The following BBS9 variants were observed in gnomAD, a reference collection of about 807,000 sequenced individuals.
The protein encoded by BBS9 is protein PTHB1.
In BBS9, 89 loss-of-function variants were observed where a neutral mutation model predicts 117.7. The observed-to-expected ratio is 0.76, with a 90% confidence interval of 0.64 to 0.90. The LOEUF is 0.90. BBS9 is among the 40% of genes least tolerant of loss of function. BBS9 has a pLI of 0.00. For synonymous variants in BBS9, 379 were observed against 370.9 expected (o/e 1.02, Z -0.25); for missense variants, 982 against 1,042.2 (o/e 0.94, Z 0.80).
intron 19 of BBS9, among the ~76,000 whole-genome samples, chr7:33,487,589 G>A (rs1362554920): frequency 6.6e-6 from 1 of 152,184 alleles, no homozygotes; most frequent in African/African-American, 2.4e-5. Flanking sequence ...TTGAGTCAAA[G>A]GCCTGTGTTC....
chr7:33,455,385 T>G (rs868603943), intron 19 of BBS9, among the ~76,000 whole-genome samples: 19 of 152,216 alleles, frequency 1.2e-4, no homozygotes, highest in African/African-American at 4.6e-4. Flanking sequence ...CATAATTTTT[T>G]AGGGAAAATT....
At chr7:33,403,577 G>A (rs963631778) in intron 19 of BBS9, among the ~76,000 whole-genome samples, 6 of 147,814 alleles carry the variant, frequency 4.1e-5, no homozygotes, top group Non-Finnish European at 8.9e-5. Context: ...TTGGTTTTTT[G>A]TCCTTGCGAT....
intron 5 of BBS9, among the ~76,000 whole-genome samples, chr7:33,188,730 G>A (rs1000935932): frequency 6.6e-6 from 1 of 152,206 alleles, no homozygotes. Context: ...AGTCATTGGT[G>A]ATTTTAGGGA....
At chr7:33,493,088 A>G (rs1844240240) in intron 19 of BBS9, among the ~76,000 whole-genome samples, 1 of 152,014 alleles carries the variant, frequency 6.6e-6, no homozygotes, top group South Asian at 2.1e-4. Flanking sequence ...TCCACCTCCC[A>G]GGTTCAAGTG....
chr7:33,635,049 C>A (rs567843369), intron 21 of BBS9, among the ~76,000 whole-genome samples: 74 of 152,294 alleles, frequency 4.9e-4, no homozygotes, highest in African/African-American at 1.8e-3. Context: ...CCTTCCTTTT[C>A]CCCCGGTTCA....
intron 19 of BBS9, among the ~76,000 whole-genome samples, chr7:33,435,137 G>C (rs1835109214): frequency 6.6e-6 from 1 of 152,092 alleles, no homozygotes; most frequent in Non-Finnish European, 1.5e-5. Flanking sequence ...TGTTGAGAAG[G>C]TCAGTTGATT....
chr7:33,353,006 C>T, intron 15 of BBS9, 133 bp downstream of exon 15: 1 of 900,872 alleles, frequency 1.1e-6, no homozygotes, highest in East Asian at 2.6e-5. Flanking sequence ...TAGGATGATA[C>T]AGTGCCTTGA....
At chr7:33,626,359 T>C (rs1303329768) in intron 21 of BBS9, among the ~76,000 whole-genome samples, 16 of 152,184 alleles carry the variant, frequency 1.1e-4, no homozygotes. Context: ...CTTATAGCAA[T>C]GCAAGAACAG....
At chr7:33,434,033 A>G (rs1209669348) in intron 19 of BBS9, among the ~76,000 whole-genome samples, 1 of 152,000 alleles carries the variant, frequency 6.6e-6, no homozygotes, top group Non-Finnish European at 1.5e-5. Context: ...TTTGGTGAAC[A>G]TATAATTGTT....
At chr7:33,554,875 C>T (rs549635070) in intron 21 of BBS9, among the ~76,000 whole-genome samples, 8 of 152,098 alleles carry the variant, frequency 5.3e-5, no homozygotes, top group East Asian at 3.9e-4. Context: ...GAGCCAACAT[C>T]GGAAATTGAA....
intron 20 of BBS9, among the ~76,000 whole-genome samples, chr7:33,521,779 G>C (rs1211432544): frequency 6.7e-6 from 1 of 150,314 alleles, no homozygotes; most frequent in African/African-American, 2.5e-5. Context: ...AAGTTTTAGG[G>C]TACATGTGCA....
At chr7:33,336,058 C>T (rs111294312) in intron 9 of BBS9, among the ~76,000 whole-genome samples, 2,198 of 152,294 alleles carry the variant, frequency 0.014, 22 homozygotes, top group Non-Finnish European at 0.021. Context: ...CCCGCTCCAT[C>T]TCTTGGTCCA....
At chr7:33,184,318 GA>G (rs1798508810) in intron 5 of BBS9, among the ~76,000 whole-genome samples, 1 of 152,154 alleles carries the variant, frequency 6.6e-6, no homozygotes, top group Non-Finnish European at 1.5e-5. Flanking sequence ...GGGGAGAAAA[GA>G]AGCTCCCCAT....
At chr7:33,454,094 C>T (rs1219768857) in intron 19 of BBS9, among the ~76,000 whole-genome samples, 1 of 152,250 alleles carries the variant, frequency 6.6e-6, no homozygotes, top group East Asian at 1.9e-4. Context: ...GGTCTCTTCC[C>T]TGGGGGTGAG....
intron 6 of BBS9, among the ~76,000 whole-genome samples, chr7:33,258,639 C>G (rs539778737): frequency 6.6e-6 from 1 of 152,200 alleles, no homozygotes; most frequent in Non-Finnish European, 1.5e-5. Context: ...ATAGTTTACT[C>G]AAGCCTGCCA....
intron 5 of BBS9, among the ~76,000 whole-genome samples, chr7:33,255,965 G>A (rs968173863): frequency 6.6e-6 from 1 of 151,986 alleles, no homozygotes; most frequent in Non-Finnish European, 1.5e-5. Context: ...AGACCATCCT[G>A]GCCAACATGG....
intron 5 of BBS9, among the ~76,000 whole-genome samples, chr7:33,249,848 T>C (rs1795962771): frequency 6.6e-6 from 1 of 152,230 alleles, no homozygotes; most frequent in South Asian, 2.1e-4. Flanking sequence ...GGATCAAGTA[T>C]AATTGCCTCT....
At chr7:33,194,007 C>T (rs1336061320) in intron 5 of BBS9, among the ~76,000 whole-genome samples, 2 of 152,106 alleles carry the variant, frequency 1.3e-5, no homozygotes, top group Admixed American at 1.3e-4. Context: ...CTGTCTTCCA[C>T]TTCTTCTACT....
intron 17 of BBS9, among the ~76,000 whole-genome samples, chr7:33,369,253 C>T (rs1415086467): frequency 1.3e-5 from 2 of 152,056 alleles, no homozygotes; most frequent in Non-Finnish European, 2.9e-5. Flanking sequence ...GGAAATTGTA[C>T]ACATTTGTTT....
Sources: allele counts gnomAD v4.1 joint callset (sites outside exome capture counted in the v4.1 genomes callset), GRCh38; gene constraint gnomAD v4.1.1; transcripts MANE v1.5; gene names NCBI Gene and HGNC (gene_info 2026-07-23, HGNC 2026-07-21).